The following CMIP variants were observed in gnomAD, a reference collection of about 807,000 sequenced individuals.
CMIP encodes C-Maf-inducing protein.
A neutral mutation model predicts 97.3 loss-of-function variants in CMIP; 13 were observed. The ratio of observed to expected loss-of-function variants is 0.13; its 90% CI spans 0.09 to 0.21. The LOEUF (loss-of-function observed/expected upper bound fraction) is 0.21, where lower values mean the gene tolerates loss of function less well. Ranked by LOEUF, CMIP falls within the 10% of genes least tolerant of loss-of-function variation. CMIP has a pLI of 1.00. For missense variants in CMIP, 847 were observed against 1,024.9 expected, an observed-to-expected ratio of 0.83 and a Z score of 2.37; for synonymous variants, 538 against 436.3, an observed-to-expected ratio of 1.23 and a Z score of -2.91.
chr16:81,521,385 C>G (rs1018412883), intron 1 of CMIP, among the ~76,000 whole-genome samples: 3 of 151,850 alleles, frequency 2.0e-5, no homozygotes, highest in African/African-American at 4.9e-5. Flanking sequence ...CCACCCCCCC[C>G]CGAATAGCAA....
At chr16:81,664,546 A>C (rs1226071301) in intron 7 of CMIP, 197 bp downstream of exon 7, 1 of 572,856 alleles carries the variant, frequency 1.7e-6, no homozygotes, top group Non-Finnish European at 3.1e-6. Flanking sequence ...CAACAGGAAG[A>C]ATCTTTTTGC....
intron 10 of CMIP, among the ~76,000 whole-genome samples, chr16:81,682,681 T>C (rs974879548): frequency 6.6e-5 from 10 of 152,202 alleles, no homozygotes; most frequent in Non-Finnish European, 8.8e-5. Flanking sequence ...GAGAGGGCAG[T>C]GCAGGTCGCA....
Position 81,685,147 on chromosome 16 carries a change from C to T in CMIP, c.1388+6519C>T, listed in dbSNP as rs542294283. Among the ~76,000 whole-genome samples, 16 of 152,346 alleles carry T rather than the reference C, an allele frequency of 1.1e-4. No homozygotes were observed. In the South Asian group the frequency reaches 1.2e-3, roughly 12 times the overall value. ...CCCCCATTCATCCACCAACCTGGTC[C>T]GACTGGGGTCACAGACTTCCAAGCT... On this transcript the variant is annotated intron_variant, in intron 10 of 20. Transcript: ENST00000537098.
chr16:81,474,856 T>TG (rs1567533821), intron 1 of CMIP, among the ~76,000 whole-genome samples: 2 of 151,760 alleles, frequency 1.3e-5, no homozygotes, highest in Admixed American at 6.6e-5. Context: ...CCTCCAGCCA[T>TG]GGGGGGCGGG....
At chr16:81,539,589 C>T (rs1023318585) in intron 1 of CMIP, among the ~76,000 whole-genome samples, 5 of 152,184 alleles carry the variant, frequency 3.3e-5, no homozygotes, top group Non-Finnish European at 7.3e-5. Flanking sequence ...TCTGGCCCTG[C>T]CTCTCCCACT....
chr16:81,703,272 A>C (rs553310925), intron 17 of CMIP, among the ~76,000 whole-genome samples: 2 of 152,196 alleles, frequency 1.3e-5, no homozygotes, highest in South Asian at 4.2e-4. Flanking sequence ...CACACACTAA[A>C]TCAGCCTTCA....
chr16:81,526,732 CT>C (rs1269940681), intron 1 of CMIP, among the ~76,000 whole-genome samples: 1 of 152,242 alleles, frequency 6.6e-6, no homozygotes, highest in Admixed American at 6.5e-5. Context: ...GAAGCCCACT[CT>C]TGCCTTGCAG....
At chr16:81,595,988 C>T (rs755245475) in intron 1 of CMIP, among the ~76,000 whole-genome samples, 3 of 152,226 alleles carry the variant, frequency 2.0e-5, no homozygotes, top group Non-Finnish European at 4.4e-5. Context: ...TTTACATTCA[C>T]ACTAGTGGTG....
intron 1 of CMIP, among the ~76,000 whole-genome samples, chr16:81,598,498 C>G (rs1246176049): frequency 1.3e-5 from 2 of 152,196 alleles, no homozygotes; most frequent in Admixed American, 1.3e-4. Context: ...CCAGTATCAA[C>G]TCATTTAGGC....
At chr16:81,601,263 C>A (rs1266440392) in intron 1 of CMIP, among the ~76,000 whole-genome samples, 4 of 152,196 alleles carry the variant, frequency 2.6e-5, no homozygotes, top group Non-Finnish European at 4.4e-5. Context: ...TTTGAGTCAG[C>A]CTGGACGTCA....
intron 1 of CMIP, among the ~76,000 whole-genome samples, chr16:81,471,186 A>G (rs1597456519): frequency 6.6e-6 from 1 of 152,266 alleles, no homozygotes; most frequent in African/African-American, 2.4e-5. Context: ...CAATACATGC[A>G]TATAAATATA....
In CMIP at chr16:81,702,660, C is replaced by T. The variant is rs764139940; in HGVS notation, c.1935C>T (p.Ser645=). Residue 645 remains serine, a synonymous_variant, in exon 17 of 21, where the codon TCC becomes TCT. Coordinates refer to ENST00000537098, the MANE Select transcript of CMIP (RefSeq NM_198390.3). The stretch of plus-strand genomic sequence containing the variant: ...GGCCCACCAGGCTAACACTGCCCTC[C>T]AAGTCCACAGTGAGTTGGTTTGGTT... ...KGGPTRLTLP[S]KSTDADLARL... is the part of the protein sequence containing the mutation. 10 of 1,613,438 alleles carry T rather than the reference C, an allele frequency of 6.2e-6. No individual in the cohort carries two copies. The highest frequency in any genetic ancestry group is 1.6e-4 in the Middle Eastern group (1 of 6,062).
At chr16:81,495,410 C>T (rs2089470797) in intron 1 of CMIP, 1 of 1,580,206 alleles carries the variant, frequency 6.3e-7, no homozygotes, top group South Asian at 1.2e-5. Flanking sequence ...ACCAAGCCGG[C>T]CGGGCTGCCG....
intron 1 of CMIP, among the ~76,000 whole-genome samples, chr16:81,508,268 C>A (rs1487748998): frequency 6.6e-6 from 1 of 152,232 alleles, no homozygotes; most frequent in Non-Finnish European, 1.5e-5. Flanking sequence ...CTTATCTCCT[C>A]CCCAGAGGCC....
In CMIP at chr16:81,573,753, C is replaced by G. The variant is rs138281799; in HGVS notation, c.301-33814C>G. ...CTGTAAAATGGGCCTTGTTGTCATT[C>G]CTACCTCCCTGGGTGGCAGTGTAAT... On this transcript the variant is annotated intron_variant, in intron 1 of 20. Coordinates refer to ENST00000537098, the MANE Select transcript of CMIP (RefSeq NM_198390.3). Among the ~76,000 whole-genome samples, 12 of 152,252 alleles carry G rather than the reference C, an allele frequency of 7.9e-5. No individual in the cohort carries two copies. The East Asian group carries it at 2.3e-3, about 29-fold the overall frequency.
intron 1 of CMIP, among the ~76,000 whole-genome samples, chr16:81,491,443 T>G (rs1458179517): frequency 3.3e-5 from 5 of 152,228 alleles, no homozygotes; most frequent in African/African-American, 1.2e-4. Context: ...GAAGATTATG[T>G]GTGGGAAAGC....
At chr16:81,644,888 C>G (rs925712963) in intron 3 of CMIP, among the ~76,000 whole-genome samples, 2 of 152,130 alleles carry the variant, frequency 1.3e-5, no homozygotes, top group African/African-American at 2.4e-5. Context: ...TTCCTCGGGC[C>G]GAACGCAGTG....
At chr16:81,668,949 A>ACT (rs1269922087) in intron 7 of CMIP, among the ~76,000 whole-genome samples, 6 of 114,344 alleles carry the variant, frequency 5.2e-5, no homozygotes, top group South Asian at 2.8e-4. Flanking sequence ...CCCACCTCAC[A>ACT]CCTTCCACAC....
chr16:81,568,039 G>GTGTGTGTTTTT (rs10629229), intron 1 of CMIP, among the ~76,000 whole-genome samples: 6 of 82,548 alleles, frequency 7.3e-5, no homozygotes, highest in African/African-American at 1.4e-4. Flanking sequence ...GTGTGTGTGT[G>GTGTGTGTTTTT]TTTTTTTTTT....
Sources: gnomAD v4.1 joint callset for allele counts (sites outside exome capture counted in the v4.1 genomes callset) on GRCh38, gnomAD v4.1.1 for gene constraint, MANE v1.5 for transcripts, NCBI Gene and HGNC (gene_info 2026-07-23, HGNC 2026-07-21) for gene names.